ZNF212: variants seen among roughly 807,000 people sequenced by gnomAD.
ZNF212 encodes Zinc finger protein C2H2-150.
Under a neutral mutation model 47.3 loss-of-function variants are expected in ZNF212, and 32 were observed. That is an observed-to-expected ratio of 0.68 (90% CI 0.51 to 0.91). The LOEUF (loss-of-function observed/expected upper bound fraction) is 0.91. ZNF212 is among the 40% of genes least tolerant of loss of function. ZNF212 has a pLI of 0.00. For synonymous variants in ZNF212, 242 were observed against 253.8 expected (o/e 0.95, Z 0.44); for missense variants, 555 against 622.8 (o/e 0.89, Z 1.16).
chr7:149,250,884 A>G, intron 3 of ZNF212, 77 bp downstream of exon 3: 1 of 1,583,046 alleles, frequency 6.3e-7, no homozygotes, highest in South Asian at 1.1e-5. Flanking sequence ...AATTCAGACC[A>G]CACCTGTGGC....
At chr7:149,252,042 C>A (rs978761083) in intron 3 of ZNF212, among the ~76,000 whole-genome samples, 1 of 151,166 alleles carries the variant, frequency 6.6e-6, no homozygotes, top group Non-Finnish European at 1.5e-5. Flanking sequence ...GGTGTTTGGC[C>A]GGAATTATAG....
In ZNF212 at chr7:149,254,384, T is replaced by C; in HGVS notation, c.1457T>C (p.Leu486Pro). 6.2e-7 allele frequency: 1 copy of C among 1,605,220 alleles called. No individual in the cohort carries two copies. Among genetic ancestry groups the C allele is most frequent in the Non-Finnish European group, 8.5e-7 (1 of 1,179,572 alleles). The change falls in exon 5 of 5, where the codon CTG (leucine) becomes CCG (proline). Residue 486 changes from leucine to proline, a missense_variant. Physicochemically the swap from Leu to Pro is moderately conservative, Grantham distance 98. Transcript: ENST00000335870. The surrounding 1 kb of genome is among the most constrained non-coding windows in gnomAD (Gnocchi z 4.5). ...IHQRERGGLA[L>P]EPGRPNGLL ...CAGCGGGAGCGGGGTGGGCTGGCCC[T>C]GGAGCCCGGAAGGCCCAATGGCCTG...
chr7:149,239,676 G>GGCC lies in ZNF212; in HGVS notation c.-101_-100insCGC, dbSNP rs951055152. On this transcript the variant is annotated 5_prime_UTR_variant, in exon 1 of 5. Transcript: ENST00000335870. Reference sequence around the variant, plus strand: ...AGAATGCACCTGGCATCAACACGGCGGCGGCGGCGGCGGCTTCCAACAGGC... The same window carrying GGCC: ...AGAATGCACCTGGCATCAACACGGCGGCCGCGGCGGCGGCGGCTTCCAACAGGC... 1.6e-6 allele frequency: 2 copies of GGCC among 1,274,710 alleles called. No homozygotes were observed. Among genetic ancestry groups the GGCC allele is most frequent in the Admixed American group, 8.1e-5 (2 of 24,726 alleles). 79.0% of individuals were successfully genotyped at this position (1,274,710 alleles called of 1,614,324 possible). A position where few individuals can be genotyped will look rare whatever the true frequency, so the allele number is the denominator to read the frequency against.
At chr7:149,253,530 T>C in intron 4 of ZNF212, 29 bp from the exon 5 acceptor site, 2 of 1,576,730 alleles carry the variant, frequency 1.3e-6, no homozygotes, top group African/African-American at 2.7e-5. Context: ...GAATGTGATC[T>C]TTTTTGTTGG....
intron 3 of ZNF212, among the ~76,000 whole-genome samples, chr7:149,251,032 C>T (rs970264278): frequency 4.7e-5 from 7 of 150,078 alleles, no homozygotes; most frequent in African/African-American, 7.4e-5. Context: ...TTGGAAAGCT[C>T]GCAGCATTGT....
rs201303008 is a variant in ZNF212 at position 149,250,285 on chromosome 7, G to A, written c.151G>A (p.Val51Met). 1.9e-6 allele frequency: 3 copies of A among 1,613,374 alleles called. No homozygotes were observed. Among genetic ancestry groups the A allele is most frequent in the Admixed American group, 1.7e-5 (1 of 59,934 alleles). Residue 51 changes from valine (V) to methionine (M), a missense_variant, in exon 2 of 5, where the codon GTG becomes ATG. Val to Met is a conservative substitution (Grantham distance 21). Coordinates refer to ENST00000335870, the MANE Select transcript of ZNF212 (RefSeq NM_012256.4). ...LWTVVAAIQA[V>M]EKKMESQAAR... is the part of the protein sequence containing the mutation. ...GACGGTGGTGGCCGCTATTCAGGCT[G>A]TGGAGAAGAAGATGGAGTCCCAGGC...
intron 1 of ZNF212, among the ~76,000 whole-genome samples, chr7:149,240,861 G>A (rs1796577857): frequency 6.6e-6 from 1 of 152,182 alleles, no homozygotes; most frequent in Admixed American, 6.5e-5. Flanking sequence ...TAGAAAGTGC[G>A]TTAAGAACTA....
chr7:149,249,506 T>C (rs1186107620), intron 1 of ZNF212, among the ~76,000 whole-genome samples: 1 of 152,096 alleles, frequency 6.6e-6, no homozygotes, highest in Non-Finnish European at 1.5e-5. Context: ...TCTCAGAGAA[T>C]ATGCTAAGCA....
intron 4 of ZNF212, 45 bp from the exon 5 acceptor site, chr7:149,253,514 G>C: frequency 6.4e-7 from 1 of 1,560,390 alleles, no homozygotes; most frequent in Non-Finnish European, 8.7e-7. Context: ...GAAACCAAAG[G>C]TACTAGAATG....
chr7:149,250,222 A>G lies in ZNF212; in HGVS notation c.88A>G (p.Lys30Glu), dbSNP rs1796732461. The change falls in exon 2 of 5, where the codon AAA (lysine) becomes GAA (glutamate). Residue 30 changes from lysine (K) to glutamate (E), a missense_variant. Transcript: ENST00000335870. ...CACACTTCCTTCACAAGCAACAGAG[A>G]AAAGCTCCTATTTTCAGACCACCGA... ...SSTLPSQATEKSSYFQTTEIS... is the reference protein window; with the variant it reads ...SSTLPSQATEESSYFQTTEIS... 2 of 1,567,666 alleles carry G rather than the reference A, an allele frequency of 1.3e-6. No homozygotes were observed. Among genetic ancestry groups the G allele is most frequent in the Non-Finnish European group, 1.7e-6 (2 of 1,158,658 alleles).
At chr7:149,246,152 A>G (rs939250584) in intron 1 of ZNF212, among the ~76,000 whole-genome samples, 1 of 152,166 alleles carries the variant, frequency 6.6e-6, no homozygotes, top group Non-Finnish European at 1.5e-5. Flanking sequence ...CTGTTTACAA[A>G]TATTCTCTCC....
intron 1 of ZNF212, among the ~76,000 whole-genome samples, chr7:149,246,599 G>A (rs1796681111): frequency 6.6e-6 from 1 of 152,054 alleles, no homozygotes; most frequent in Non-Finnish European, 1.5e-5. Context: ...TGTTAGCCAG[G>A]ATGGTCTTGA....
In ZNF212 at chr7:149,252,446, G is replaced by A. The variant is rs184308796; in HGVS notation, c.542-260G>A. On this transcript the variant is annotated intron_variant, in intron 3 of 4. Coordinates refer to ENST00000335870, the MANE Select transcript of ZNF212 (RefSeq NM_012256.4). ...GTGGGTGGTGGTGCCATCAAGGGCA[G>A]TGGTAGCTCTGTAGCCTGCCTGCCT... Among the ~76,000 whole-genome samples, 4 of 152,346 alleles carry A rather than the reference G, an allele frequency of 2.6e-5. No individual in the cohort carries two copies. In the East Asian group the frequency reaches 7.7e-4, roughly 29 times the overall value.
At chr7:149,252,355 T>G (rs765183327) in intron 3 of ZNF212, among the ~76,000 whole-genome samples, 4 of 152,108 alleles carry the variant, frequency 2.6e-5, no homozygotes, top group Non-Finnish European at 4.4e-5. Context: ...TTAGCAAGGA[T>G]GAAATTAGAT....
chr7:149,242,363 A>G (rs535017322), intron 1 of ZNF212, among the ~76,000 whole-genome samples: 1 of 152,106 alleles, frequency 6.6e-6, no homozygotes, highest in South Asian at 2.1e-4. Context: ...AAAAAAAAAA[A>G]AGACTACCTT....
Position 149,254,538 on chromosome 7 carries a change from C to G in ZNF212, c.*123C>G. On this transcript the variant is annotated 3_prime_UTR_variant, in exon 5 of 5. Transcript: ENST00000335870. The surrounding 1 kb of genome is among the most constrained non-coding windows in gnomAD (Gnocchi z 4.5). Reference sequence around the variant, plus strand: ...TTGTTTGTGATTGCCTTCCCTTGTCCCAGTACCAAGCCAAGCCCAAAGGCT... The same window carrying G: ...TTGTTTGTGATTGCCTTCCCTTGTCGCAGTACCAAGCCAAGCCCAAAGGCT... 7.2e-7 allele frequency: 1 copy of G among 1,388,336 alleles called. No individual in the cohort carries two copies. Among genetic ancestry groups the G allele is most frequent in the Non-Finnish European group, 9.5e-7 (1 of 1,054,352 alleles). The allele number at this position is 1,388,336 out of a possible 1,614,324, so 86.0% of individuals were successfully genotyped here.
intron 1 of ZNF212, among the ~76,000 whole-genome samples, chr7:149,248,051 C>T (rs556922367): frequency 6.6e-6 from 1 of 152,336 alleles, no homozygotes; most frequent in East Asian, 1.9e-4. Context: ...TCACAACCCA[C>T]TGTAGTGGGA....
At chr7:149,241,612 T>C (rs758561675) in intron 1 of ZNF212, among the ~76,000 whole-genome samples, 1 of 152,196 alleles carries the variant, frequency 6.6e-6, no homozygotes, top group Non-Finnish European at 1.5e-5. Context: ...CTGAAAATGC[T>C]GGAAAACCCT....
intron 3 of ZNF212, among the ~76,000 whole-genome samples, chr7:149,251,941 TAAAA>T (rs36067111): frequency 1.8e-5 from 2 of 109,530 alleles, no homozygotes; most frequent in African/African-American, 3.5e-5. Context: ...CTCTGTTGCT[TAAAA>T]AAAAAAAAAA....
Sources: gnomAD v4.1 joint callset for allele counts (sites outside exome capture counted in the v4.1 genomes callset) on GRCh38, gnomAD v4.1.1 for gene constraint, Gnocchi (gnomAD v3.1) non-coding constraint, MANE v1.5 for transcripts, NCBI Gene and HGNC (gene_info 2026-07-23, HGNC 2026-07-21) for gene names.